Variants in TOX observed in about 807,000 individuals in gnomAD.
The protein encoded by TOX is thymocyte selection-associated high mobility group box protein TOX.
In TOX, 11 loss-of-function variants were observed where a neutral mutation model predicts 53.7. The ratio of observed to expected loss-of-function variants is 0.20; its 90% confidence interval spans 0.13 to 0.34. The LOEUF is 0.34. TOX is among the 10% of genes least tolerant of loss of function. The pLI is 1.00. For synonymous variants in TOX, 225 were observed against 245.3 expected (o/e 0.92, Z 0.77); for missense variants, 570 against 664.6 (o/e 0.86, Z 1.56).
At chr8:59,039,565 C>T (rs544290145) in intron 1 of TOX, among the ~76,000 whole-genome samples, 26 of 152,254 alleles carry the variant, frequency 1.7e-4, no homozygotes, top group African/African-American at 5.8e-4. Context: ...CATGAATGCT[C>T]CCTCCTCTGT....
At chr8:58,814,511 A>G (rs970994503) in intron 7 of TOX, 2 of 152,226 alleles carry the variant, frequency 1.3e-5, no homozygotes, top group Non-Finnish European at 2.9e-5. Context: ...ATCACATCTC[A>G]GATAAACTTT....
At chr8:58,948,951 G>C (rs1168001562) in intron 2 of TOX, among the ~76,000 whole-genome samples, 2 of 152,074 alleles carry the variant, frequency 1.3e-5, no homozygotes, top group African/African-American at 2.4e-5. Context: ...TTGAGCTTTT[G>C]TTTTTGTTTT....
chr8:58,827,386 G>C (rs1245176828), intron 5 of TOX, among the ~76,000 whole-genome samples: 1 of 152,204 alleles, frequency 6.6e-6, no homozygotes, highest in Non-Finnish European at 1.5e-5. Context: ...ACAGAAGGGA[G>C]AGTGCAGGTT....
At chr8:58,854,455 G>A (rs1241119662) in intron 3 of TOX, among the ~76,000 whole-genome samples, 1 of 151,972 alleles carries the variant, frequency 6.6e-6, no homozygotes. Context: ...CTTCTAAGAT[G>A]TTTTCTCATG....
intron 1 of TOX, among the ~76,000 whole-genome samples, chr8:59,055,286 C>T (rs538890661): frequency 1.3e-5 from 2 of 152,286 alleles, no homozygotes; most frequent in South Asian, 4.1e-4. Flanking sequence ...AACATTAGCA[C>T]ACAGGGACTC....
intron 1 of TOX, among the ~76,000 whole-genome samples, chr8:59,071,319 C>T (rs1408768294): frequency 6.6e-6 from 1 of 152,154 alleles, no homozygotes; most frequent in Non-Finnish European, 1.5e-5. Context: ...GAGCACCAAC[C>T]ACCTGCTTAC....
At chr8:58,822,333 C>T (rs568482068) in intron 6 of TOX, among the ~76,000 whole-genome samples, 26 of 152,316 alleles carry the variant, frequency 1.7e-4, no homozygotes, top group South Asian at 6.2e-4. Context: ...TTCTAACTTT[C>T]GGCCTTCCAG....
chr8:58,810,392 G>C (rs1340824948), intron 7 of TOX, among the ~76,000 whole-genome samples: 2 of 152,072 alleles, frequency 1.3e-5, no homozygotes, highest in African/African-American at 4.8e-5. Context: ...CCAGGCTGGA[G>C]TGCAATGGCA....
chr8:59,059,943 T>G (rs572706921), intron 1 of TOX, among the ~76,000 whole-genome samples: 1 of 152,234 alleles, frequency 6.6e-6, no homozygotes, highest in East Asian at 1.9e-4. Flanking sequence ...GAAAATCATC[T>G]AGATTTTTAT....
At chr8:58,965,142 G>T (rs1461889244) in intron 1 of TOX, among the ~76,000 whole-genome samples, 1 of 152,088 alleles carries the variant, frequency 6.6e-6, no homozygotes, top group Non-Finnish European at 1.5e-5. Flanking sequence ...TAATTTCCAT[G>T]TATTCTCAAT....
chr8:59,058,042 T>A (rs1319584623), intron 1 of TOX, among the ~76,000 whole-genome samples: 1 of 152,302 alleles, frequency 6.6e-6, no homozygotes, highest in East Asian at 1.9e-4. Flanking sequence ...AAAACCAATA[T>A]CCCTATCCTA....
chr8:59,011,481 C>G (rs1180447063), intron 1 of TOX, among the ~76,000 whole-genome samples: 1 of 152,182 alleles, frequency 6.6e-6, no homozygotes, highest in African/African-American at 2.4e-5. Flanking sequence ...CCTAAGCCTC[C>G]TGAACATGGC....
At chr8:58,914,294 T>C (rs1210324525) in intron 3 of TOX, among the ~76,000 whole-genome samples, 1 of 152,232 alleles carries the variant, frequency 6.6e-6, no homozygotes, top group Non-Finnish European at 1.5e-5. Context: ...TTTTGCCTAG[T>C]GAGCCATGTA....
intron 1 of TOX, among the ~76,000 whole-genome samples, chr8:59,042,702 T>A (rs1266294530): frequency 6.6e-6 from 1 of 152,224 alleles, no homozygotes; most frequent in East Asian, 1.9e-4. Context: ...AAATGAAGTG[T>A]GACTCTAAAG....
At chr8:58,976,925 G>A (rs1813111553) in intron 1 of TOX, among the ~76,000 whole-genome samples, 1 of 152,186 alleles carries the variant, frequency 6.6e-6, no homozygotes. Context: ...CATCCAGCTA[G>A]AGTAGACTGA....
chr8:59,080,557 G>C (rs1419998881), intron 1 of TOX, among the ~76,000 whole-genome samples: 1 of 152,176 alleles, frequency 6.6e-6, no homozygotes, highest in Non-Finnish European at 1.5e-5. Flanking sequence ...GAATGATGTA[G>C]TTTGAATATT....
chr8:58,880,902 G>T (rs1450178495), intron 3 of TOX, among the ~76,000 whole-genome samples: 3 of 152,158 alleles, frequency 2.0e-5, no homozygotes, highest in Non-Finnish European at 4.4e-5. Context: ...ATAGCTACAT[G>T]AAGATGTGAA....
intron 1 of TOX, among the ~76,000 whole-genome samples, chr8:58,973,009 G>A (rs1207716607): frequency 6.6e-6 from 1 of 152,200 alleles, no homozygotes; most frequent in Non-Finnish European, 1.5e-5. Flanking sequence ...CATGTATTAA[G>A]AACAGGAGTT....
intron 1 of TOX, among the ~76,000 whole-genome samples, chr8:59,026,911 A>C (rs1016707534): frequency 6.6e-6 from 1 of 151,968 alleles, no homozygotes; most frequent in African/African-American, 2.4e-5. Context: ...GAAAAAAAAA[A>C]AAAAAACCAA....
Sources: allele counts gnomAD v4.1 joint callset (sites outside exome capture counted in the v4.1 genomes callset), GRCh38; gene constraint gnomAD v4.1.1; transcripts MANE v1.5; gene names NCBI Gene and HGNC (gene_info 2026-07-23, HGNC 2026-07-21).